The following FMN1 variants were observed in gnomAD, a reference collection of about 807,000 sequenced individuals.
The protein encoded by FMN1 is formin 1, also known as formin-1.
A neutral mutation model predicts 132.4 loss-of-function variants in FMN1; 110 were observed. That is an observed-to-expected ratio of 0.83 (90% CI 0.71 to 0.97). FMN1 has a LOEUF of 0.97. Ranked by LOEUF, FMN1 falls within the 50% of genes least tolerant of loss-of-function variation. The pLI is 0.00. For missense variants in FMN1, 1,792 were observed against 1,705.3 expected, an observed-to-expected ratio of 1.05 and a Z score of -0.90; for synonymous variants, 722 against 651.7, an observed-to-expected ratio of 1.11 and a Z score of -1.64.
At chr15:32,995,100 A>T (rs1369870291) in intron 7 of FMN1, among the ~76,000 whole-genome samples, 1 of 142,612 alleles carries the variant, frequency 7.0e-6, no homozygotes, top group Admixed American at 6.8e-5. Flanking sequence ...ACACAGAAGC[A>T]TATATATATA....
At chr15:32,891,501 T>G (rs887820199) in intron 15 of FMN1, among the ~76,000 whole-genome samples, 1 of 152,230 alleles carries the variant, frequency 6.6e-6, no homozygotes, top group Non-Finnish European at 1.5e-5. Context: ...GCATTCCAAC[T>G]GGGATTACAG....
Position 33,194,622 on chromosome 15 carries a change from G to C in FMN1, c.-393C>G, listed in dbSNP as rs1365500679. 2.6e-5 allele frequency: 4 copies of C among 152,348 alleles called. No homozygotes were observed. The highest frequency in any genetic ancestry group is 5.9e-5 in the Non-Finnish European group (4 of 68,188). 9.4% of individuals were successfully genotyped at this position (152,348 alleles called of 1,614,324 possible). ...CTGGTCCCGAGTCCCAGCTACTCGG[G>C]AGGCTGAGGCAGGAGGATTGCTTAC... On this transcript the variant is annotated 5_prime_UTR_variant, in exon 1 of 21. Transcript: ENST00000616417.
At chr15:32,785,218 A>ATATATTTT (rs1444523400) in intron 19 of FMN1, among the ~76,000 whole-genome samples, 10 of 39,202 alleles carry the variant, frequency 2.6e-4, no homozygotes, top group African/African-American at 4.8e-4. Context: ...ATATATATAT[A>ATATATTTT]TTTTTTTTTT....
At position 32,899,960 on chromosome 15, in the gene FMN1, T is replaced by C. The variant is rs1189478213; in HGVS notation, c.3654+19A>G. The stretch of plus-strand genomic sequence containing the variant: ...AAAATAATGGCAGATCATGGGAACT[T>C]ATTATGAAAAATAAATACCCGACTT... On this transcript the variant is annotated intron_variant, in intron 14 of 20. Coordinates refer to ENST00000616417, the MANE Select transcript of FMN1 (RefSeq NM_001277313.2). 6.2e-7 allele frequency: 1 copy of C among 1,609,750 alleles called. No homozygotes were observed. Among genetic ancestry groups the C allele is most frequent in the East Asian group, 2.2e-5 (1 of 44,860 alleles).
chr15:32,967,189 G>A (rs946794207), intron 8 of FMN1, among the ~76,000 whole-genome samples: 4 of 152,212 alleles, frequency 2.6e-5, no homozygotes, highest in African/African-American at 9.7e-5. Flanking sequence ...TAAATGAGGA[G>A]GAAACAATGT....
intron 4 of FMN1, among the ~76,000 whole-genome samples, chr15:33,106,945 G>C (rs927763239): frequency 6.6e-6 from 1 of 151,972 alleles, no homozygotes; most frequent in Non-Finnish European, 1.5e-5. Flanking sequence ...CTCAGCTCTA[G>C]TGACTTCCAA....
chr15:33,022,215 C>T (rs76417438), intron 6 of FMN1, among the ~76,000 whole-genome samples: 4,767 of 152,096 alleles, frequency 0.031, 104 homozygotes, highest in Admixed American at 0.048. Context: ...GTATTTTTTT[C>T]CCAAATGTTT....
chr15:32,841,844 A>C (rs1337676180), intron 17 of FMN1, among the ~76,000 whole-genome samples: 2 of 152,210 alleles, frequency 1.3e-5, no homozygotes, highest in African/African-American at 2.4e-5. Context: ...AAGATTATAC[A>C]ATCCATTTTC....
In FMN1 at chr15:32,993,232, T is replaced by C. The variant is rs552520593; in HGVS notation, c.2223+14782A>G. 1.9e-3 allele frequency among the ~76,000 whole-genome samples: 286 copies of C among 152,336 alleles called. 2 individuals carry two copies. The highest frequency in any genetic ancestry group is 6.8e-3 in the Admixed American group (104 of 15,310). ...ATATATTACATTAAGCCATATAAAA[T>C]TGCTGCTTTATAAGTCAAATAGGTC... On this transcript the variant is annotated intron_variant, in intron 7 of 20. Transcript: ENST00000616417.
In FMN1 at chr15:32,901,935, T is replaced by C. The variant is rs1464422726; in HGVS notation, c.3483A>G (p.Val1161=). Residue 1161 remains valine, a synonymous_variant, in exon 13 of 21, where the codon GTA becomes GTG. Coordinates refer to ENST00000616417, the MANE Select transcript of FMN1 (RefSeq NM_001277313.2). ...CCTTAGAAGCTCGCGTGATGATCTC[T>C]ACCTTTCTGTGCAAGGAGGTGATAC... The part of the protein sequence containing the change: ...SEGITSLHRK[V]EIITRASKDL... 3 of 1,612,234 alleles carry C rather than the reference T, an allele frequency of 1.9e-6. No homozygotes were observed. The highest frequency in any genetic ancestry group is 1.1e-5 in the South Asian group (1 of 90,716).
intron 2 of FMN1, among the ~76,000 whole-genome samples, chr15:33,183,075 C>T (rs1965757563): frequency 6.6e-6 from 1 of 152,184 alleles, no homozygotes; most frequent in East Asian, 1.9e-4. Context: ...ATGACTTACA[C>T]CACTGTGTTA....
chr15:33,149,162 C>A (rs1964347392), intron 4 of FMN1, among the ~76,000 whole-genome samples: 1 of 152,248 alleles, frequency 6.6e-6, no homozygotes, highest in South Asian at 2.1e-4. Context: ...TCACTTCATT[C>A]CCCACCTCCA....
chr15:33,112,446 T>C (rs1190409994), intron 4 of FMN1, among the ~76,000 whole-genome samples: 1 of 152,294 alleles, frequency 6.6e-6, no homozygotes, highest in East Asian at 1.9e-4. Flanking sequence ...GAGGAACTGT[T>C]ATTGCTCCAT....
chr15:32,867,630 CT>C (rs1483499261), intron 16 of FMN1, among the ~76,000 whole-genome samples: 5 of 152,140 alleles, frequency 3.3e-5, no homozygotes, highest in African/African-American at 1.2e-4. Context: ...CCTCAGCCCC[CT>C]GCCCCCCGCT....
At chr15:33,113,700 G>C (rs1265818527) in intron 4 of FMN1, among the ~76,000 whole-genome samples, 1 of 151,976 alleles carries the variant, frequency 6.6e-6, no homozygotes, top group African/African-American at 2.4e-5. Flanking sequence ...TTCTAGACAG[G>C]GGCCCCACGT....
At position 32,964,204 on chromosome 15, in the gene FMN1, T is replaced by TC; in HGVS notation, c.3040dup (p.Asp1014GlyfsTer4). On this transcript the variant is annotated frameshift_variant, in exon 9 of 21. Transcript: ENST00000616417. LOFTEE classifies it high-confidence loss of function. ...GAATAAATACTCAAATTCACTGGGG[T>TC]CCCGAATGTCAGGTTCTTCTAAGGA... 1 of 1,612,692 alleles carries TC rather than the reference T, an allele frequency of 6.2e-7. No individual in the cohort carries two copies. The highest frequency in any genetic ancestry group is 8.5e-7 in the Non-Finnish European group (1 of 1,179,038).
At chr15:32,889,005 C>T (rs2059962093) in intron 15 of FMN1, among the ~76,000 whole-genome samples, 1 of 152,024 alleles carries the variant, frequency 6.6e-6, no homozygotes, top group Admixed American at 6.6e-5. Context: ...CAGGTACGTG[C>T]CACCATACCC....
In FMN1 at chr15:32,958,710, C is replaced by T. The variant is rs568994834; in HGVS notation, c.3138+5397G>A. Among the ~76,000 whole-genome samples, 8 of 152,194 alleles carry T rather than the reference C, an allele frequency of 5.3e-5. 1 individual carries two copies. In the South Asian group the frequency reaches 8.3e-4, roughly 16 times the overall value. ...CTGTCCATTACTTCTGAAATACAAACGTGAAATGTGCTGAGGGATGAAGAC... is the reference window on the plus strand; with the variant it reads ...CTGTCCATTACTTCTGAAATACAAATGTGAAATGTGCTGAGGGATGAAGAC... On this transcript the variant is annotated intron_variant, in intron 9 of 20. Transcript: ENST00000616417.
chr15:32,870,008 G>C (rs1369975713), intron 16 of FMN1, among the ~76,000 whole-genome samples: 1 of 152,184 alleles, frequency 6.6e-6, no homozygotes, highest in Non-Finnish European at 1.5e-5. Context: ...CCAAAATGGG[G>C]AAGTCGTTGG....
Sources: allele counts gnomAD v4.1 joint callset (sites outside exome capture counted in the v4.1 genomes callset), GRCh38; gene constraint gnomAD v4.1.1; transcripts MANE v1.5; gene names NCBI Gene and HGNC (gene_info 2026-07-23, HGNC 2026-07-21).